The following LRRTM4 variants were observed in gnomAD, a reference collection of about 807,000 sequenced individuals.
LRRTM4 encodes the protein leucine rich repeat transmembrane neuronal 4.
A neutral mutation model predicts 47.6 loss-of-function variants in LRRTM4; 25 were observed. The observed-to-expected ratio is 0.53, with a 90% CI of 0.38 to 0.73. The LOEUF (loss-of-function observed/expected upper bound fraction) is 0.73, where lower values mean the gene tolerates loss of function less well. Among genes scored for constraint, LRRTM4 ranks in the 30% least tolerant of loss-of-function variants. The pLI, the probability that LRRTM4 is intolerant of heterozygous loss-of-function variation, is 0.00. For synonymous variants in LRRTM4, 311 were observed against 269.5 expected (o/e 1.15, Z -1.51); for missense variants, 638 against 713.4 (o/e 0.89, Z 1.20).
At chr2:77,492,046 T>G (rs1247983812) in intron 3 of LRRTM4, among the ~76,000 whole-genome samples, 2 of 152,040 alleles carry the variant, frequency 1.3e-5, no homozygotes, top group Non-Finnish European at 2.9e-5. Flanking sequence ...TTTCAAGTGG[T>G]TCTTAGGATA....
chr2:77,420,656 G>A (rs1269661218), intron 3 of LRRTM4, among the ~76,000 whole-genome samples: 1 of 150,828 alleles, frequency 6.6e-6, no homozygotes, highest in Non-Finnish European at 1.5e-5. Flanking sequence ...GCCCAGGCCT[G>A]TGGCCCACTA....
intron 3 of LRRTM4, among the ~76,000 whole-genome samples, chr2:77,305,529 T>C (rs1677248013): frequency 6.6e-6 from 1 of 152,162 alleles, no homozygotes; most frequent in African/African-American, 2.4e-5. Flanking sequence ...AAAGTTTACA[T>C]ACATTTTGCT....
intron 3 of LRRTM4, among the ~76,000 whole-genome samples, chr2:77,379,387 T>C (rs1051623888): frequency 3.3e-5 from 5 of 152,108 alleles, no homozygotes; most frequent in African/African-American, 1.2e-4. Flanking sequence ...CACGGCAATA[T>C]ACAAAGAAAA....
At chr2:77,369,836 C>T (rs1248966449) in intron 3 of LRRTM4, among the ~76,000 whole-genome samples, 1 of 151,482 alleles carries the variant, frequency 6.6e-6, no homozygotes. Context: ...ATACTGTAGG[C>T]AATTGTAACA....
intron 3 of LRRTM4, among the ~76,000 whole-genome samples, chr2:76,967,834 C>G (rs1277750159): frequency 2.0e-5 from 3 of 151,062 alleles, no homozygotes; most frequent in Non-Finnish European, 4.4e-5. Flanking sequence ...TAAATCACAA[C>G]TTGTAAATAC....
intron 3 of LRRTM4, among the ~76,000 whole-genome samples, chr2:77,292,098 G>C (rs1465798002): frequency 6.6e-6 from 1 of 152,024 alleles, no homozygotes; most frequent in Non-Finnish European, 1.5e-5. Context: ...ATGAAAAAAT[G>C]CTCACCATCA....
intron 3 of LRRTM4, among the ~76,000 whole-genome samples, chr2:77,446,624 C>G (rs372537157): frequency 4.9e-4 from 74 of 152,062 alleles, no homozygotes; most frequent in African/African-American, 1.7e-3. Context: ...TCTTTAAGAT[C>G]GAACATCAGC....
In LRRTM4 at chr2:77,519,044, G is replaced by A; in HGVS notation, c.825C>T (p.Cys275=). Residue 275 remains cysteine (C), a synonymous_variant, in exon 3 of 4, where the codon TGC becomes TGT. Coordinates refer to ENST00000409884, the MANE Select transcript of LRRTM4 (RefSeq NM_001134745.3). This position sits in a 1 kb window ranked among gnomAD's most constrained non-coding sequence, Gnocchi z 4.6. Reference sequence around the variant, plus strand: ...AATTCAATTTTTGTAAATTGGGGAGGCATTTAAATGTGCCCGGCTCAATTC... The same window carrying A: ...AATTCAATTTTTGTAAATTGGGGAGACATTTAAATGTGCCCGGCTCAATTC... ...IQGIEPGTFK[C]LPNLQKLNLD... The A allele has an allele frequency of 6.2e-7, 1 of 1,612,276 alleles. No individual in the cohort carries two copies.
intron 3 of LRRTM4, among the ~76,000 whole-genome samples, chr2:77,372,182 A>G (rs1015047162): frequency 6.6e-6 from 1 of 151,768 alleles, no homozygotes; most frequent in Non-Finnish European, 1.5e-5. Context: ...TATTCTGGTT[A>G]GGAACAAACC....
At chr2:76,774,209 G>T (rs148854232) in intron 3 of LRRTM4, among the ~76,000 whole-genome samples, 32,583 of 150,938 alleles carry the variant, frequency 0.22, 4,338 homozygotes, top group Non-Finnish European at 0.3. Flanking sequence ...GTTTTTAGAT[G>T]GAGTCTTGCT....
rs553616668 is a variant in LRRTM4 at position 76,791,314 on chromosome 2, A to ATTTATCTGAAGACACTTGC, written c.1552-42417_1552-42399dup. On this transcript the variant is annotated intron_variant, in intron 3 of 3. Transcript: ENST00000409884. ...TATTTCAATAATATTGGGAACCATC[A>ATTTATCTGAAGACACTTGC]TTTATCTGAAGACACTTGCTCCAAC... 3.5e-3 allele frequency among the ~76,000 whole-genome samples: 532 copies of ATTTATCTGAAGACACTTGC among 152,302 alleles called. 5 individuals are homozygous for ATTTATCTGAAGACACTTGC. Among genetic ancestry groups the ATTTATCTGAAGACACTTGC allele is most frequent in the African/African-American group, 0.013 (521 of 41,560 alleles).
chr2:77,464,787 C>A (rs529647975), intron 3 of LRRTM4, among the ~76,000 whole-genome samples: 4 of 152,116 alleles, frequency 2.6e-5, no homozygotes, highest in African/African-American at 7.2e-5. Context: ...ATATGAGACA[C>A]TTAATAAAAT....
intron 3 of LRRTM4, among the ~76,000 whole-genome samples, chr2:77,459,087 A>G (rs1332152612): frequency 6.6e-6 from 1 of 152,128 alleles, no homozygotes; most frequent in Non-Finnish European, 1.5e-5. Flanking sequence ...TTTATTCAAA[A>G]AGTTCAGACA....
chr2:77,446,794 C>T (rs947466417), intron 3 of LRRTM4, among the ~76,000 whole-genome samples: 1 of 152,014 alleles, frequency 6.6e-6, no homozygotes, highest in Non-Finnish European at 1.5e-5. Flanking sequence ...CATCTCTAAT[C>T]CCAGATTTGG....
At chr2:76,873,070 A>G (rs900898538) in intron 3 of LRRTM4, among the ~76,000 whole-genome samples, 1 of 152,116 alleles carries the variant, frequency 6.6e-6, no homozygotes, top group Non-Finnish European at 1.5e-5. Context: ...ACTCAGCCTA[A>G]GGCATTTCTT....
chr2:76,776,192 G>T (rs1174280384), intron 3 of LRRTM4, among the ~76,000 whole-genome samples: 1 of 151,986 alleles, frequency 6.6e-6, no homozygotes, highest in African/African-American at 2.4e-5. Flanking sequence ...AGTCTTTGCT[G>T]TTGTGAATAA....
In LRRTM4 at chr2:77,306,897, A is replaced by ATTTTTTTTTTTTTTTTTTT. The variant is rs774697360; in HGVS notation, c.1551+211402_1551+211420dup. On this transcript the variant is annotated intron_variant, in intron 3 of 3. Transcript: ENST00000409884. ...AAATAGCTATATACTGCTTTTCCAT[A>ATTTTTTTTTTTTTTTTTTT]TTTTTTTTTTTTTTTTTTTTGAGAT... is the stretch of plus-strand genomic sequence containing the variant. 3.3e-4 allele frequency among the ~76,000 whole-genome samples: 37 copies of ATTTTTTTTTTTTTTTTTTT among 112,414 alleles called. 2 individuals carry two copies. The highest frequency in any genetic ancestry group is 1.3e-3 in the African/African-American group (30 of 23,136). 73.7% of individuals were successfully genotyped at this position (112,414 alleles called of 152,430 possible).
chr2:77,133,083 G>C (rs1212543941), intron 3 of LRRTM4, among the ~76,000 whole-genome samples: 1 of 152,174 alleles, frequency 6.6e-6, no homozygotes, highest in African/African-American at 2.4e-5. Context: ...TGTGGCAGCT[G>C]CCCAGAAAAT....
intron 3 of LRRTM4, among the ~76,000 whole-genome samples, chr2:76,776,004 G>A (rs80116723): frequency 6.6e-6 from 1 of 151,376 alleles, no homozygotes; most frequent in Admixed American, 6.6e-5. Flanking sequence ...GACAATATGC[G>A]GTGTTTGGTT....
Sources: gnomAD v4.1 joint callset for allele counts (sites outside exome capture counted in the v4.1 genomes callset) on GRCh38, gnomAD v4.1.1 for gene constraint, Gnocchi (gnomAD v3.1) non-coding constraint, MANE v1.5 for transcripts, NCBI Gene and HGNC (gene_info 2026-07-23, HGNC 2026-07-21) for gene names.